SFSWAP: variants seen among roughly 807,000 people sequenced by gnomAD.
SFSWAP encodes the protein splicing factor SWAP.
Under a neutral mutation model 100.7 loss-of-function variants are expected in SFSWAP, and 17 were observed. The ratio of observed to expected loss-of-function variants is 0.17; its 90% confidence interval spans 0.12 to 0.25. SFSWAP has a LOEUF of 0.25. Among genes scored for constraint, SFSWAP ranks in the 10% least tolerant of loss-of-function variants. The pLI, the probability that SFSWAP is intolerant of heterozygous loss-of-function variation, is 1.00. For synonymous variants in SFSWAP, 504 were observed against 510.1 expected (o/e 0.99, Z 0.16); for missense variants, 1,005 against 1,262.6 (o/e 0.80, Z 3.09).
Position 131,711,445 on chromosome 12 carries a change from C to T in SFSWAP, c.216C>T (p.Asp72=). Residue 72 remains aspartate, a splice_region_variant and synonymous_variant, in exon 1 of 18, where the codon GAC becomes GAT. Transcript: ENST00000261674. The surrounding 1 kb of genome is among the most constrained non-coding windows in gnomAD (Gnocchi z 4.9). ...TGGGGGACCACAAGATCCTCATCGA[C>T]AGGTCGGTTCCTCTCCCCACCCGTC... ...PWMGDHKILI[D]RYDGRGHLHD... 2 of 1,611,778 alleles carry T rather than the reference C, an allele frequency of 1.2e-6. No individual in the cohort carries two copies. The highest frequency in any genetic ancestry group is 1.7e-6 in the Non-Finnish European group (2 of 1,178,734).
At position 131,786,568 on chromosome 12, in the gene SFSWAP, T is replaced by C. The variant is rs7136643; in HGVS notation, c.2514T>C (p.Ser838=). Residue 838 remains serine (S), a synonymous_variant, in exon 15 of 18, where the codon AGT becomes AGC. Transcript: ENST00000261674. ...GCGTGAGCCGCAGCCCTGGGGCCAG[T>C]AGGAAGCGGACCCGCTCCAGGTAGG... The part of the protein sequence containing the change: ...AYRVSRSPGA[S]RKRTRSRSPH... The C allele has an allele frequency of 1, 1,587,852 of 1,589,670 alleles. 793,027 individuals are homozygous for C. The highest frequency in any genetic ancestry group is 1 in the East Asian group (43,914 of 43,914).
intron 3 of SFSWAP, among the ~76,000 whole-genome samples, chr12:131,717,198 C>T (rs1878006465): frequency 6.6e-6 from 1 of 152,140 alleles, no homozygotes; most frequent in Non-Finnish European, 1.5e-5. Flanking sequence ...ATTTTTTTTC[C>T]TGAGCCATCA....
At chr12:131,742,085 T>C (rs1880696458) in intron 7 of SFSWAP, among the ~76,000 whole-genome samples, 1 of 152,138 alleles carries the variant, frequency 6.6e-6, no homozygotes, top group African/African-American at 2.4e-5. Context: ...ATTCTAAAAA[T>C]GTCCTAGATT....
At chr12:131,739,227 A>G (rs1055646498) in intron 7 of SFSWAP, among the ~76,000 whole-genome samples, 8 of 152,156 alleles carry the variant, frequency 5.3e-5, no homozygotes, top group African/African-American at 1.9e-4. Context: ...TATATGCAAG[A>G]TAAAAATCTT....
At chr12:131,784,876 G>C (rs1159204524) in intron 14 of SFSWAP, 3 of 444,812 alleles carry the variant, frequency 6.7e-6, no homozygotes, top group Non-Finnish European at 1.2e-5. Flanking sequence ...AAATGGTATT[G>C]TATTTCAAAG....
intron 7 of SFSWAP, among the ~76,000 whole-genome samples, chr12:131,739,953 AAAC>A (rs1880444301): frequency 6.6e-6 from 1 of 152,208 alleles, no homozygotes; most frequent in African/African-American, 2.4e-5. Flanking sequence ...TGAATTTCAT[AAAC>A]AAGTACGTTT....
intron 12 of SFSWAP, 65 bp downstream of exon 12, chr12:131,764,751 A>G (rs1882969805): frequency 8.2e-7 from 1 of 1,215,972 alleles, no homozygotes; most frequent in Non-Finnish European, 1.2e-6. Context: ...TTTATCTGCT[A>G]AGCCAAAAAA....
chr12:131,774,021 G>A (rs1883816508), intron 13 of SFSWAP, among the ~76,000 whole-genome samples: 1 of 152,230 alleles, frequency 6.6e-6, no homozygotes, highest in Non-Finnish European at 1.5e-5. Context: ...GAACCGGAAT[G>A]ACAATGGGAG....
chr12:131,784,815 C>T (rs942541625), intron 14 of SFSWAP: 13 of 312,408 alleles, frequency 4.2e-5, no homozygotes, highest in African/African-American at 2.8e-4. Flanking sequence ...TGAAAATCTA[C>T]TGGTAACAGC....
chr12:131,740,727 A>C (rs1024031817), intron 7 of SFSWAP, among the ~76,000 whole-genome samples: 3 of 151,948 alleles, frequency 2.0e-5, no homozygotes, highest in Non-Finnish European at 4.4e-5. Flanking sequence ...TTGGTTTTGC[A>C]GTGGTATTGT....
intron 14 of SFSWAP, among the ~76,000 whole-genome samples, chr12:131,781,451 A>T (rs1884499016): frequency 6.6e-6 from 1 of 151,772 alleles, no homozygotes; most frequent in Admixed American, 6.6e-5. Context: ...GTTAGCCAGG[A>T]TGGTCTCGAT....
At position 131,794,060 on chromosome 12, in the gene SFSWAP, CA is replaced by C. The variant is rs1177961552; in HGVS notation, c.2535-3113del. Among the ~76,000 whole-genome samples, 1 of 152,194 alleles carries C rather than the reference CA, an allele frequency of 6.6e-6. No individual in the cohort carries two copies. The highest frequency in any genetic ancestry group is 1.5e-5 in the Non-Finnish European group (1 of 68,032). On this transcript the variant is annotated intron_variant, in intron 15 of 17. Coordinates refer to ENST00000261674, the MANE Select transcript of SFSWAP (RefSeq NM_004592.4). The surrounding 1 kb of genome is among the most constrained non-coding windows in gnomAD (Gnocchi z 4.8). ...CTCCTCTATAAAGTCAACATTTAAC[CA>C]AAAACACTTTGATTCATAATTACCG...
intron 12 of SFSWAP, among the ~76,000 whole-genome samples, chr12:131,765,141 C>G (rs1265936157): frequency 6.6e-6 from 1 of 152,236 alleles, no homozygotes; most frequent in Non-Finnish European, 1.5e-5. Flanking sequence ...GGCTCATCTT[C>G]ATGGGCCGCA....
chr12:131,720,464 A>G (rs1878366146), intron 4 of SFSWAP, among the ~76,000 whole-genome samples: 1 of 152,196 alleles, frequency 6.6e-6, no homozygotes, highest in African/African-American at 2.4e-5. Flanking sequence ...TTGTGTGTGT[A>G]TACTTGGGAA....
At chr12:131,772,935 T>A (rs1296884222) in intron 13 of SFSWAP, among the ~76,000 whole-genome samples, 1 of 152,074 alleles carries the variant, frequency 6.6e-6, no homozygotes, top group African/African-American at 2.4e-5. Flanking sequence ...GGAAGATAAT[T>A]TTCCCCTGGA....
chr12:131,795,180 A>G (rs959762618), intron 15 of SFSWAP, among the ~76,000 whole-genome samples: 3 of 152,200 alleles, frequency 2.0e-5, no homozygotes, highest in African/African-American at 7.2e-5. Flanking sequence ...GAAGATGCCA[A>G]GTCATCTGCC....
Position 131,786,576 on chromosome 12 carries a change from G to A in SFSWAP, c.2522G>A (p.Arg841Gln), listed in dbSNP as rs149992355. 2.6e-4 allele frequency: 413 copies of A among 1,589,876 alleles called. No individual in the cohort carries two copies. The highest frequency in any genetic ancestry group is 3.2e-4 in the Non-Finnish European group (371 of 1,169,488). The change falls in exon 15 of 18, where the codon CGG becomes CAG. Residue 841 changes from arginine (R) to glutamine (Q), a missense_variant. Physicochemically the swap from Arg to Gln is conservative, Grantham distance 43 (BLOSUM62 1). Transcript: ENST00000261674. ...VSRSPGASRK[R>Q]TRSRSPHEKK... Reference sequence around the variant, plus strand: ...CGCAGCCCTGGGGCCAGTAGGAAGCGGACCCGCTCCAGGTAGGCCACTGGG... The same window carrying A: ...CGCAGCCCTGGGGCCAGTAGGAAGCAGACCCGCTCCAGGTAGGCCACTGGG...
intron 7 of SFSWAP, among the ~76,000 whole-genome samples, chr12:131,736,386 T>C (rs928617866): frequency 6.6e-6 from 1 of 152,154 alleles, no homozygotes; most frequent in African/African-American, 2.4e-5. Flanking sequence ...AGCAGTTATA[T>C]TCAATTAATT....
At chr12:131,739,655 T>A (rs966965880) in intron 7 of SFSWAP, among the ~76,000 whole-genome samples, 2 of 149,668 alleles carry the variant, frequency 1.3e-5, no homozygotes, top group Non-Finnish European at 3.0e-5. Flanking sequence ...ACGCCATTCT[T>A]CTGCCTCAGC....
Sources: allele counts gnomAD v4.1 joint callset (sites outside exome capture counted in the v4.1 genomes callset), GRCh38; gene constraint gnomAD v4.1.1; non-coding constraint Gnocchi (gnomAD v3.1); transcripts MANE v1.5; gene names NCBI Gene and HGNC (gene_info 2026-07-23, HGNC 2026-07-21).